The following DIP2C variants were observed in gnomAD, a reference collection of about 807,000 sequenced individuals.
The protein encoded by DIP2C is DIP2 acetate--CoA ligase C (putative).
Under a neutral mutation model 192.4 loss-of-function variants are expected in DIP2C, and 33 were observed. That is an observed-to-expected ratio of 0.17 (90% confidence interval 0.13 to 0.23). The LOEUF (loss-of-function observed/expected upper bound fraction) is 0.23. Among genes scored for constraint, DIP2C ranks in the 10% least tolerant of loss-of-function variants. DIP2C has a pLI of 1.00. For missense variants in DIP2C, 1,537 were observed against 2,110.1 expected, an observed-to-expected ratio of 0.73 and a Z score of 5.32; for synonymous variants, 979 against 864.1, an observed-to-expected ratio of 1.13 and a Z score of -2.33.
intron 1 of DIP2C, among the ~76,000 whole-genome samples, chr10:633,308 T>C (rs1018111919): frequency 6.6e-6 from 1 of 152,222 alleles, no homozygotes; most frequent in African/African-American, 2.4e-5. Context: ...GCCTGGGCAC[T>C]GAGCAGAGAG....
intron 1 of DIP2C, among the ~76,000 whole-genome samples, chr10:658,395 G>A (rs1856545007): frequency 1.3e-5 from 2 of 152,214 alleles, no homozygotes; most frequent in Admixed American, 1.3e-4. Flanking sequence ...ACCTGACCCT[G>A]GACCTGCCGC....
At chr10:482,369 A>T (rs376712578) in intron 2 of DIP2C, among the ~76,000 whole-genome samples, 57 of 152,292 alleles carry the variant, frequency 3.7e-4, no homozygotes, top group African/African-American at 1.2e-3. Context: ...CTTCCTGGAG[A>T]GGCTGCTCAC....
At chr10:405,927 C>T (rs1439472776) in intron 9 of DIP2C, among the ~76,000 whole-genome samples, 4 of 152,178 alleles carry the variant, frequency 2.6e-5, no homozygotes, top group Admixed American at 2.6e-4. Context: ...CTTTTCTCCT[C>T]GAGAGCCCTT....
At chr10:304,041 G>C (rs1406453170) in intron 32 of DIP2C, among the ~76,000 whole-genome samples, 1 of 152,076 alleles carries the variant, frequency 6.6e-6, no homozygotes, top group Non-Finnish European at 1.5e-5. Context: ...ACCTGCTGAG[G>C]CTGTCTTACA....
intron 1 of DIP2C, among the ~76,000 whole-genome samples, chr10:566,962 G>A (rs190038443): frequency 2.6e-5 from 4 of 152,204 alleles, no homozygotes; most frequent in Admixed American, 1.3e-4. Context: ...CTGATGTTCC[G>A]GTGGCTCAAA....
intron 2 of DIP2C, among the ~76,000 whole-genome samples, chr10:473,137 G>A (rs1290125342): frequency 1.3e-5 from 2 of 152,152 alleles, no homozygotes; most frequent in African/African-American, 4.8e-5. Flanking sequence ...ATTACTTGGT[G>A]AATAACAAAA....
intron 22 of DIP2C, among the ~76,000 whole-genome samples, chr10:360,050 T>A (rs533086085): frequency 6.6e-6 from 1 of 152,188 alleles, no homozygotes; most frequent in South Asian, 2.1e-4. Context: ...GAATTCAGAC[T>A]GGGGTAGGGA....
intron 29 of DIP2C, among the ~76,000 whole-genome samples, chr10:335,522 AG>A (rs149896746): frequency 0.011 from 1,744 of 152,316 alleles, 10 homozygotes; most frequent in Non-Finnish European, 0.019. Flanking sequence ...CGCTGCCCAG[AG>A]CGAGTTTCTG....
At chr10:365,931 T>C (rs1960138289) in intron 19 of DIP2C, among the ~76,000 whole-genome samples, 1 of 152,188 alleles carries the variant, frequency 6.6e-6, no homozygotes, top group Non-Finnish European at 1.5e-5. Context: ...GCCAAGGGGC[T>C]GTAAAGGGGC....
At chr10:394,659 T>C (rs1250596813) in intron 10 of DIP2C, among the ~76,000 whole-genome samples, 1 of 149,242 alleles carries the variant, frequency 6.7e-6, no homozygotes, top group Admixed American at 6.7e-5. Flanking sequence ...TGGGCGCTAT[T>C]CAGCCTTCAG....
intron 1 of DIP2C, among the ~76,000 whole-genome samples, chr10:643,695 C>T (rs1432205614): frequency 6.6e-6 from 1 of 152,244 alleles, no homozygotes; most frequent in Non-Finnish European, 1.5e-5. Context: ...GTCCATGTCA[C>T]TCACAAGCAG....
chr10:544,332 C>T (rs1848167391), intron 1 of DIP2C, among the ~76,000 whole-genome samples: 1 of 152,262 alleles, frequency 6.6e-6, no homozygotes, highest in Admixed American at 6.5e-5. Context: ...TCTTTATCCA[C>T]TCATCTGTTG....
chr10:354,810 G>A (rs375881731), intron 24 of DIP2C, among the ~76,000 whole-genome samples: 2 of 152,122 alleles, frequency 1.3e-5, no homozygotes, highest in East Asian at 1.9e-4. Context: ...CCACGTTGGA[G>A]ATGATACTGG....
intron 22 of DIP2C, among the ~76,000 whole-genome samples, chr10:359,240 G>C (rs533921284): frequency 5.3e-5 from 8 of 152,316 alleles, no homozygotes; most frequent in Admixed American, 5.2e-4. Flanking sequence ...ACGTCCTCTA[G>C]CCGGCCCCCA....
At chr10:308,726 G>A (rs924825095) in intron 32 of DIP2C, among the ~76,000 whole-genome samples, 3 of 152,216 alleles carry the variant, frequency 2.0e-5, no homozygotes, top group Non-Finnish European at 2.9e-5. Context: ...GGGCTCCTAC[G>A]TGGCCACCAC....
At chr10:420,974 GT>G (rs1176149602) in intron 5 of DIP2C, among the ~76,000 whole-genome samples, 1 of 152,172 alleles carries the variant, frequency 6.6e-6, no homozygotes, top group Non-Finnish European at 1.5e-5. Flanking sequence ...CTACTTTCCT[GT>G]TTGTAGGCTT....
At chr10:548,911 C>CAAAAAAAAAAAAAAAAAAAAA (rs61437915) in intron 1 of DIP2C, among the ~76,000 whole-genome samples, 2 of 26,462 alleles carry the variant, frequency 7.6e-5, no homozygotes, top group African/African-American at 2.7e-4. Flanking sequence ...TAGCAGCTCA[C>CAAAAAAAAAAAAAAAAAAAAA]AAAAAAAAAA....
rs1970794457 is a variant in DIP2C at position 473,348 on chromosome 10, C to T, written c.158-799G>A. 1.3e-5 allele frequency among the ~76,000 whole-genome samples: 2 copies of T among 152,220 alleles called. 1 individual carries two copies. The highest frequency in any genetic ancestry group is 1.3e-4 in the Admixed American group (2 of 15,274). On this transcript the variant is annotated intron_variant, in intron 2 of 36. Transcript: ENST00000280886. ...TCTGACACCACGGGAACAATATCAC[C>T]CCACAGTTCCATGAACAGCTCTGAT... is the stretch of plus-strand genomic sequence containing the variant.
intron 1 of DIP2C, among the ~76,000 whole-genome samples, chr10:681,645 A>G (rs1588763404): frequency 6.8e-6 from 1 of 147,762 alleles, no homozygotes; most frequent in African/African-American, 2.5e-5. Flanking sequence ...TCCAGGGAAC[A>G]CAGACCCTCA....
Sources: allele counts gnomAD v4.1 joint callset (sites outside exome capture counted in the v4.1 genomes callset), GRCh38; gene constraint gnomAD v4.1.1; transcripts MANE v1.5; gene names NCBI Gene and HGNC (gene_info 2026-07-23, HGNC 2026-07-21).